The following IRS2 variants were observed in gnomAD, a reference collection of about 807,000 sequenced individuals.
IRS2 encodes insulin receptor substrate 2.
A neutral mutation model predicts 70.9 loss-of-function variants in IRS2; 28 were observed. The observed-to-expected ratio is 0.39, with a 90% CI of 0.29 to 0.54. The LOEUF is 0.54. IRS2 is among the 20% of genes least tolerant of loss of function. The pLI is 0.59. For missense variants in IRS2, 2,081 were observed against 2,024.1 expected (o/e 1.03, Z -0.54); for synonymous variants, 1,217 against 981.9 (o/e 1.24, Z -4.48).
chr13:109,782,470 C>T lies in IRS2; in HGVS notation c.3584G>A (p.Gly1195Glu), dbSNP rs1877738813. 3 of 1,562,850 alleles carry T rather than the reference C, an allele frequency of 1.9e-6. No individual in the cohort carries two copies. Among genetic ancestry groups the T allele is most frequent in the Middle Eastern group, 1.7e-4 (1 of 6,002 alleles). ...GGAGGTGGGCGGCTCGTCGCCCCCT[C>T]CAGGGCCGACACCCACGCCGCCCTC... ...SSEGGVGVGP[G>E]GGDEPPTSPR... is the part of the protein sequence containing the mutation. Residue 1195 changes from glycine (G) to glutamate (E), a missense_variant, in exon 1 of 2, where the codon GGA (glycine) becomes GAA (glutamate). By Grantham distance (98) the Gly-to-Glu change is moderately conservative. Transcript: ENST00000375856.
In IRS2 at chr13:109,783,428, G is replaced by A. The variant is rs1057110627; in HGVS notation, c.2626C>T (p.Arg876Cys). Residue 876 changes from arginine to cysteine, a missense_variant, in exon 1 of 2, where the codon CGC becomes TGC. Arg to Cys is a radical substitution (Grantham distance 180). Around this residue, in one of 4 missense-constraint regions of IRS2, gnomAD observed 1,615 missense variants for 1,459.5 expected, o/e 1.11. Transcript: ENST00000375856. ...CGCTGGCCCAAGAAGCCCTCCGGGC[G>A]GCCGCCGCTAGGCCGCACGGGCGAA... The part of the protein sequence containing the change: ...VPSPVRPSGG[R>C]PEGFLGQRGR... 23 of 1,493,972 alleles carry A rather than the reference G, an allele frequency of 1.5e-5. No individual in the cohort carries two copies. Among genetic ancestry groups the A allele is most frequent in the South Asian group, 7.7e-5 (6 of 78,118 alleles). 92.5% of individuals were successfully genotyped at this position (1,493,972 alleles called of 1,614,324 possible).
rs531478607 is a variant in IRS2, at chr13:109,754,462, G to C, written c.*1842C>G. On this transcript the variant is annotated 3_prime_UTR_variant, in exon 2 of 2. Transcript: ENST00000375856. Reference sequence around the variant, plus strand: ...TCAGTCCCTATCGTACCTGGGGGGAGTTACAAAGCAAATACCACCCATTGA... The same window carrying C: ...TCAGTCCCTATCGTACCTGGGGGGACTTACAAAGCAAATACCACCCATTGA... 2 of 204,606 alleles carry C rather than the reference G, an allele frequency of 9.8e-6. No individual in the cohort carries two copies. The highest frequency in any genetic ancestry group is 1.5e-4 in the East Asian group (2 of 13,112). 12.7% of individuals were successfully genotyped at this position (204,606 alleles called of 1,614,324 possible).
At chr13:109,778,727 T>G (rs1877633180) in intron 1 of IRS2, among the ~76,000 whole-genome samples, 1 of 152,216 alleles carries the variant, frequency 6.6e-6, no homozygotes, top group African/African-American at 2.4e-5. Context: ...TCAACAAAAT[T>G]TAAATATGGA....
rs763264437 is a variant in IRS2, at chr13:109,784,275, G to C, written c.1779C>G (p.Ala593=). ...GCATCAGGGTGTATTCATCCAGCGA[G>C]GCAGAGGAGGGCTGGGGCACCGGCC... ...RQRPVPQPSS[A]SLDEYTLMRA... The change falls in exon 1 of 2, where the codon GCC becomes GCG. Residue 593 remains alanine, a synonymous_variant. Coordinates refer to ENST00000375856, the MANE Select transcript of IRS2 (RefSeq NM_003749.3). This position sits in a 1 kb window ranked among gnomAD's most constrained non-coding sequence, Gnocchi z 5.2. 2.4e-5 allele frequency: 39 copies of C among 1,594,560 alleles called. No individual in the cohort carries two copies. Among genetic ancestry groups the C allele is most frequent in the Non-Finnish European group, 3.2e-5 (37 of 1,170,310 alleles).
rs184974009 is a variant in IRS2, at chr13:109,765,177, T to A, written c.4013-8869A>T. ...CTCTATACAAAAAGGTGCCCTAAAA[T>A]GCAGGCCGACATTTAAGTTCCTCTG... is the stretch of plus-strand genomic sequence containing the variant. On this transcript the variant is annotated intron_variant, in intron 1 of 1. Coordinates refer to ENST00000375856, the MANE Select transcript of IRS2 (RefSeq NM_003749.3). Among the ~76,000 whole-genome samples the A allele has an allele frequency of 5.3e-5, 8 of 152,346 alleles. No individual in the cohort carries two copies. In the East Asian group the frequency reaches 1.5e-3, roughly 29 times the overall value.
In IRS2 at chr13:109,786,030, C is replaced by T; in HGVS notation, c.24G>A (p.Gly8=). The T allele has an allele frequency of 2.2e-6, 3 of 1,347,082 alleles. No individual in the cohort carries two copies. The highest frequency in any genetic ancestry group is 3.6e-5 in the South Asian group (2 of 54,828). The allele number at this position is 1,347,082 out of a possible 1,614,324, so 83.4% of individuals were successfully genotyped here. A position where few individuals can be genotyped will look rare whatever the true frequency, so the allele number is the denominator to read the frequency against. Residue 8 remains glycine, a synonymous_variant, in exon 1 of 2, where the codon GGG becomes GGA. Transcript: ENST00000375856. The surrounding 1 kb of genome is among the most constrained non-coding windows in gnomAD (Gnocchi z 4.4). ...CGTCTCCGCTCGCCGGCCCGGGCGG[C>T]CCGTGCCGCGGCGGGCTCGCCATCG... The part of the protein sequence containing the change: MASPPRH[G]PPGPASGDGP...
At chr13:109,778,458 T>A (rs1018331528) in intron 1 of IRS2, among the ~76,000 whole-genome samples, 1 of 152,222 alleles carries the variant, frequency 6.6e-6, no homozygotes, top group African/African-American at 2.4e-5. Context: ...TGTCTGCTCC[T>A]GCGAATAGGG....
At chr13:109,775,175 G>A (rs963390361) in intron 1 of IRS2, among the ~76,000 whole-genome samples, 1 of 140,852 alleles carries the variant, frequency 7.1e-6, no homozygotes, top group Non-Finnish European at 1.5e-5. Flanking sequence ...CTGGAGTACA[G>A]TGTCGCGATC....
chr13:109,780,464 C>A (rs1877671310), intron 1 of IRS2, among the ~76,000 whole-genome samples: 1 of 152,212 alleles, frequency 6.6e-6, no homozygotes, highest in African/African-American at 2.4e-5. Flanking sequence ...GCACCACACT[C>A]CTGATAATTC....
In IRS2 at chr13:109,785,049, C is replaced by T; in HGVS notation, c.1005G>A (p.Gln335=). ...HHHLVNLPPS[Q]TGLVRRSRTD... is the part of the protein sequence containing the mutation. Reference sequence around the variant, plus strand: ...TGCGCGAGCGGCGCACCAGGCCCGTCTGGCTGGGGGGCAGGTTGACCAGGT... The same window carrying T: ...TGCGCGAGCGGCGCACCAGGCCCGTTTGGCTGGGGGGCAGGTTGACCAGGT... Residue 335 remains glutamine (Q), a synonymous_variant, in exon 1 of 2, where the codon CAG becomes CAA. Transcript: ENST00000375856. The surrounding 1 kb of genome is among the most constrained non-coding windows in gnomAD (Gnocchi z 9.3). The T allele has an allele frequency of 6.4e-7, 1 of 1,552,862 alleles. No individual in the cohort carries two copies. Among genetic ancestry groups the T allele is most frequent in the Non-Finnish European group, 8.7e-7 (1 of 1,150,468 alleles).
At chr13:109,759,778 A>G (rs954887282) in intron 1 of IRS2, among the ~76,000 whole-genome samples, 3 of 152,056 alleles carry the variant, frequency 2.0e-5, no homozygotes, top group African/African-American at 7.2e-5. Context: ...TAGTTCACAC[A>G]CAGCTTTCAG....
chr13:109,782,313 G>T lies in IRS2; in HGVS notation c.3741C>A (p.Phe1247Leu). 6.2e-7 allele frequency: 1 copy of T among 1,611,746 alleles called. No individual in the cohort carries two copies. Among genetic ancestry groups the T allele is most frequent in the Non-Finnish European group, 8.5e-7 (1 of 1,179,456 alleles). Residue 1247 changes from phenylalanine to leucine, a missense_variant, in exon 1 of 2, where the codon TTC becomes TTA. Around this residue, in one of 4 missense-constraint regions of IRS2, gnomAD observed 1,615 missense variants for 1,459.5 expected, o/e 1.11. Coordinates refer to ENST00000375856, the MANE Select transcript of IRS2 (RefSeq NM_003749.3). Reference sequence around the variant, plus strand: ...TGGCGATGTAGTTGAGACCATTCTGGAAGCCGGCAGAGGTCTCTCTGCGCA... The same window carrying T: ...TGGCGATGTAGTTGAGACCATTCTGTAAGCCGGCAGAGGTCTCTCTGCGCA... ...SPMRRETSAGFQNGLNYIAID... is the reference protein window; with the variant it reads ...SPMRRETSAGLQNGLNYIAID...
chr13:109,763,218 C>T (rs991501088), intron 1 of IRS2, among the ~76,000 whole-genome samples: 4 of 152,206 alleles, frequency 2.6e-5, no homozygotes, highest in African/African-American at 9.6e-5. Flanking sequence ...CAGAAAAACA[C>T]CATATATTTC....
intron 1 of IRS2, among the ~76,000 whole-genome samples, chr13:109,776,207 T>A (rs1194883158): frequency 6.6e-6 from 1 of 151,966 alleles, no homozygotes; most frequent in African/African-American, 2.4e-5. Context: ...TGATCAGTTA[T>A]CTTTAAAAAA....
intron 1 of IRS2, among the ~76,000 whole-genome samples, chr13:109,765,093 C>A (rs936645564): frequency 6.6e-5 from 10 of 152,162 alleles, no homozygotes; most frequent in African/African-American, 2.2e-4. Context: ...AATGCATCAT[C>A]AACAGGCTGG....
rs759912555 is a variant in IRS2 at position 109,784,352 on chromosome 13, C to G, written c.1702G>C (p.Asp568His). 1 of 1,609,268 alleles carries G rather than the reference C, an allele frequency of 6.2e-7. No individual in the cohort carries two copies. Among genetic ancestry groups the G allele is most frequent in the Admixed American group, 1.7e-5 (1 of 59,954 alleles). ...RVSGDAAQDLDRGLRKRTYSL... is the reference protein window; with the variant it reads ...RVSGDAAQDLHRGLRKRTYSL... ...TAGGTCCTCTTGCGCAGCCCTCGGT[C>G]CAGGTCCTGGGCCGCGTCCCCCGAG... Residue 568 changes from aspartate (D) to histidine (H), a missense_variant, in exon 1 of 2, where the codon GAC becomes CAC. Around this residue, in one of 4 missense-constraint regions of IRS2, gnomAD observed 1,615 missense variants for 1,459.5 expected, o/e 1.11. Coordinates refer to ENST00000375856, the MANE Select transcript of IRS2 (RefSeq NM_003749.3). This position sits in a 1 kb window ranked among gnomAD's most constrained non-coding sequence, Gnocchi z 5.2.
chr13:109,753,945 C>A lies in IRS2; in HGVS notation c.*2359G>T, dbSNP rs781092607. 2 of 231,998 alleles carry A rather than the reference C, an allele frequency of 8.6e-6. No individual in the cohort carries two copies. Among genetic ancestry groups the A allele is most frequent in the Non-Finnish European group, 1.7e-5 (2 of 117,156 alleles). The allele number at this position is 231,998 out of a possible 1,614,324, so 14.4% of individuals were successfully genotyped here. A position where few individuals can be genotyped will look rare whatever the true frequency, so the allele number is the denominator to read the frequency against. ...GCACTATTCTAGTCCAGTTTATTCTCGTCTCCAGCAGCATCACATTGACCC... is the reference window on the plus strand; with the variant it reads ...GCACTATTCTAGTCCAGTTTATTCTAGTCTCCAGCAGCATCACATTGACCC... On this transcript the variant is annotated 3_prime_UTR_variant, in exon 2 of 2. Coordinates refer to ENST00000375856, the MANE Select transcript of IRS2 (RefSeq NM_003749.3).
chr13:109,778,645 C>A (rs1043722461), intron 1 of IRS2, among the ~76,000 whole-genome samples: 1 of 152,168 alleles, frequency 6.6e-6, no homozygotes, highest in Non-Finnish European at 1.5e-5. Flanking sequence ...CAACATAAAT[C>A]GTGATTTTAT....
chr13:109,767,427 T>C (rs927150993), intron 1 of IRS2, among the ~76,000 whole-genome samples: 1 of 152,068 alleles, frequency 6.6e-6, no homozygotes, highest in Admixed American at 6.6e-5. Context: ...GATCAATTAA[T>C]GATAAAGAAA....
Sources: gnomAD v4.1 joint callset for allele counts (sites outside exome capture counted in the v4.1 genomes callset) on GRCh38, gnomAD v4.1.1 for gene constraint, gnomAD v4.1.1 regional missense constraint, Gnocchi (gnomAD v3.1) non-coding constraint, MANE v1.5 for transcripts, NCBI Gene and HGNC (gene_info 2026-07-23, HGNC 2026-07-21) for gene names.